Variants in NAALADL2 observed in about 807,000 individuals in gnomAD.
The protein encoded by NAALADL2 is inactive N-acetylated-alpha-linked acidic dipeptidase-like protein 2.
NAALADL2 carries 76 observed loss-of-function variants against 87.2 expected under a neutral mutation model. The ratio of observed to expected loss-of-function variants is 0.87; its 90% confidence interval spans 0.72 to 1.05. NAALADL2 has a LOEUF of 1.05. NAALADL2 is among the 50% of genes least tolerant of loss of function. NAALADL2 has a pLI of 0.00. For synonymous variants in NAALADL2, 354 were observed against 331.0 expected (o/e 1.07, Z -0.75); for missense variants, 1,089 against 945.8 (o/e 1.15, Z -1.99).
chr3:175,214,025 T>A (rs927548589), intron 2 of NAALADL2, among the ~76,000 whole-genome samples: 2 of 152,224 alleles, frequency 1.3e-5, no homozygotes, highest in African/African-American at 4.8e-5. Context: ...AAAAATTTGT[T>A]CATTAGAATA....
At chr3:175,004,454 G>A (rs892566951) in intron 1 of NAALADL2, among the ~76,000 whole-genome samples, 4 of 148,910 alleles carry the variant, frequency 2.7e-5, no homozygotes, top group Non-Finnish European at 4.4e-5. Flanking sequence ...CAGTTTTTGC[G>A]AGTGTGTGGC....
chr3:175,354,980 A>C (rs2148888723), intron 5 of NAALADL2, among the ~76,000 whole-genome samples: 1 of 148,602 alleles, frequency 6.7e-6, no homozygotes, highest in Non-Finnish European at 1.5e-5. Flanking sequence ...TTAAATATAT[A>C]ATTTTTCCAA....
chr3:175,120,467 G>T (rs1474541237), intron 2 of NAALADL2, among the ~76,000 whole-genome samples: 1 of 151,740 alleles, frequency 6.6e-6, no homozygotes, highest in Non-Finnish European at 1.5e-5. Context: ...TCATAAAAAA[G>T]GACTGTGTGT....
chr3:175,663,495 TA>T lies in NAALADL2; in HGVS notation c.1896+36113del, dbSNP rs1732556695. Among the ~76,000 whole-genome samples the T allele has an allele frequency of 2.0e-5, 3 of 147,970 alleles. No homozygotes were observed. The East Asian group carries it at 5.8e-4, about 28-fold the overall frequency. ...GTTGATTTTATTTCATTTTTTTCAA[TA>T]AAACAACCTTATGTTTTGGTAATCT... On this transcript the variant is annotated intron_variant, in intron 11 of 13. Transcript: ENST00000454872.
At chr3:174,722,698 T>C (rs749573105) in intron 2 of NAALADL2, among the ~76,000 whole-genome samples, 1 of 152,126 alleles carries the variant, frequency 6.6e-6, no homozygotes, top group African/African-American at 2.4e-5. Context: ...TGAGACTTCA[T>C]CCCAAATAAA....
chr3:175,021,971 T>C (rs1344714319), intron 1 of NAALADL2, among the ~76,000 whole-genome samples: 1 of 152,062 alleles, frequency 6.6e-6, no homozygotes, highest in African/African-American at 2.4e-5. Flanking sequence ...TACTCATGAA[T>C]GGCTTGTCTT....
chr3:175,323,671 A>G (rs1760258390), intron 4 of NAALADL2, among the ~76,000 whole-genome samples: 1 of 151,308 alleles, frequency 6.6e-6, no homozygotes, highest in Admixed American at 6.6e-5. Context: ...AAAAAAAAAA[A>G]GGCCAGTAGA....
At position 174,740,250 on chromosome 3, in the gene NAALADL2, C is replaced by A. The variant is rs541101949; in HGVS notation, c.-9+2504C>A. Among the ~76,000 whole-genome samples, 6 of 152,008 alleles carry A rather than the reference C, an allele frequency of 3.9e-5. No homozygotes were observed. In the South Asian group the frequency reaches 1.2e-3, roughly 31 times the overall value. On this transcript the variant is annotated intron_variant, in intron 3 of 3. Coordinates refer to the NAALADL2 transcript ENST00000434257. The stretch of plus-strand genomic sequence containing the variant: ...GAACCCATTGTTGAGCTCACTGATT[C>A]CCAACATGAAAATAAATTAACACAA...
At chr3:175,593,929 A>G (rs922206359) in intron 10 of NAALADL2, among the ~76,000 whole-genome samples, 1 of 152,120 alleles carries the variant, frequency 6.6e-6, no homozygotes, top group South Asian at 2.1e-4. Flanking sequence ...TGTGGACTGC[A>G]GAGGATTGTT....
At chr3:174,899,316 G>A (rs1732017815) in intron 1 of NAALADL2, among the ~76,000 whole-genome samples, 1 of 152,178 alleles carries the variant, frequency 6.6e-6, no homozygotes, top group South Asian at 2.1e-4. Flanking sequence ...ATATGATACA[G>A]TTTAAGTATT....
At chr3:174,473,425 G>A (rs1351625098) in intron 1 of NAALADL2, among the ~76,000 whole-genome samples, 1 of 152,094 alleles carries the variant, frequency 6.6e-6, no homozygotes, top group Non-Finnish European at 1.5e-5. Flanking sequence ...GCTAATAATA[G>A]GAATCACCTG....
rs59352149 is a variant in NAALADL2, at chr3:175,495,092, AT to A, written c.1653+23343del. On this transcript the variant is annotated intron_variant, in intron 9 of 13. Coordinates refer to ENST00000454872, the MANE Select transcript of NAALADL2 (RefSeq NM_207015.3). ...CAATCCCATATATATATATATATAT[AT>A]TTTTTTTTAATTTTAGATTATTTCT... Among the ~76,000 whole-genome samples, 111 of 136,504 alleles carry A rather than the reference AT, an allele frequency of 8.1e-4. 2 individuals carry two copies. The highest frequency in any genetic ancestry group is 1.9e-3 in the East Asian group (9 of 4,674). The allele number at this position is 136,504 out of a possible 152,430, so 89.6% of individuals were successfully genotyped here.
chr3:174,965,280 G>A (rs1742706062), intron 1 of NAALADL2, among the ~76,000 whole-genome samples: 2 of 152,108 alleles, frequency 1.3e-5, no homozygotes, highest in African/African-American at 4.8e-5. Flanking sequence ...CAGGGAAGCA[G>A]CTTTTCCTAC....
At chr3:174,607,236 G>T (rs946169592) in intron 2 of NAALADL2, among the ~76,000 whole-genome samples, 10 of 152,046 alleles carry the variant, frequency 6.6e-5, no homozygotes, top group Admixed American at 2.0e-4. Context: ...AGACCATCGA[G>T]ACTAGGAAGA....
chr3:174,734,007 G>T (rs986166649), intron 2 of NAALADL2, among the ~76,000 whole-genome samples: 1 of 152,090 alleles, frequency 6.6e-6, no homozygotes, highest in African/African-American at 2.4e-5. Flanking sequence ...AAGACCAGAA[G>T]GGTCAATTTC....
At chr3:175,480,338 G>T (rs1029046937) in intron 9 of NAALADL2, among the ~76,000 whole-genome samples, 1 of 151,664 alleles carries the variant, frequency 6.6e-6, no homozygotes, top group Admixed American at 6.6e-5. Flanking sequence ...TAAACATAGC[G>T]CATTGTTGTA....
intron 13 of NAALADL2, among the ~76,000 whole-genome samples, chr3:175,795,771 G>T (rs1753399184): frequency 6.6e-6 from 1 of 151,990 alleles, no homozygotes; most frequent in African/African-American, 2.4e-5. Context: ...TATAAATTAT[G>T]TATTGCCTCA....
intron 2 of NAALADL2, among the ~76,000 whole-genome samples, chr3:175,128,928 T>A (rs1727373314): frequency 6.6e-6 from 1 of 151,588 alleles, no homozygotes; most frequent in Non-Finnish European, 1.5e-5. Flanking sequence ...GTTACCAATT[T>A]TTTTTTGTTT....
At chr3:174,913,115 A>AG (rs1733919835) in intron 1 of NAALADL2, among the ~76,000 whole-genome samples, 1 of 152,202 alleles carries the variant, frequency 6.6e-6, no homozygotes, top group Non-Finnish European at 1.5e-5. Context: ...AATTAATGAC[A>AG]GACTGGATAA....
Sources: gnomAD v4.1 joint callset for allele counts (sites outside exome capture counted in the v4.1 genomes callset) on GRCh38, gnomAD v4.1.1 for gene constraint, MANE v1.5 for transcripts, NCBI Gene and HGNC (gene_info 2026-07-23, HGNC 2026-07-21) for gene names.